Variants in SMARCC1 observed in about 807,000 individuals in gnomAD.
SMARCC1 encodes the protein SWI/SNF complex subunit SMARCC1.
Under a neutral mutation model 147.4 loss-of-function variants are expected in SMARCC1, and 43 were observed. The ratio of observed to expected loss-of-function variants is 0.29; its 90% CI spans 0.23 to 0.38. SMARCC1 has a LOEUF of 0.38. Ranked by LOEUF, SMARCC1 falls within the 10% of genes least tolerant of loss-of-function variation. The pLI, the probability that SMARCC1 is intolerant of heterozygous loss-of-function variation, is 1.00. For synonymous variants in SMARCC1, 495 were observed against 484.4 expected (o/e 1.02, Z -0.29); for missense variants, 1,119 against 1,381.1 (o/e 0.81, Z 3.01).
chr3:47,743,536 G>A (rs533757541), intron 3 of SMARCC1, among the ~76,000 whole-genome samples: 1 of 151,918 alleles, frequency 6.6e-6, no homozygotes, highest in Admixed American at 6.6e-5. Flanking sequence ...CACTGTGGCC[G>A]GGCATGGTGA....
At chr3:47,760,753 A>G (rs2034764080) in intron 2 of SMARCC1, among the ~76,000 whole-genome samples, 1 of 152,214 alleles carries the variant, frequency 6.6e-6, no homozygotes. Flanking sequence ...GTACTTTGGA[A>G]GGCCAAGGCA....
intron 21 of SMARCC1, among the ~76,000 whole-genome samples, chr3:47,660,566 T>A (rs2033332325): frequency 6.6e-6 from 1 of 151,700 alleles, no homozygotes; most frequent in Non-Finnish European, 1.5e-5. Flanking sequence ...GAGATACTGA[T>A]GCATGCTACA....
At chr3:47,687,171 T>C (rs2033736076) in intron 13 of SMARCC1, among the ~76,000 whole-genome samples, 1 of 152,172 alleles carries the variant, frequency 6.6e-6, no homozygotes, top group Non-Finnish European at 1.5e-5. Context: ...ATTTAAAGCA[T>C]GAAAACACCA....
chr3:47,691,843 T>C (rs1001389923), intron 12 of SMARCC1, among the ~76,000 whole-genome samples: 2 of 151,702 alleles, frequency 1.3e-5, no homozygotes, highest in African/African-American at 4.8e-5. Flanking sequence ...CTACTAATAA[T>C]ACAAAAATTA....
intron 26 of SMARCC1, chr3:47,604,667 C>T: frequency 1.9e-5 from 3 of 159,334 alleles, no homozygotes; most frequent in Admixed American, 6.3e-5. Flanking sequence ...GAACTGGTAA[C>T]TTTAAAATAG....
chr3:47,646,830 G>A (rs2033126055), intron 21 of SMARCC1, among the ~76,000 whole-genome samples: 1 of 152,128 alleles, frequency 6.6e-6, no homozygotes, highest in Non-Finnish European at 1.5e-5. Context: ...AGAGTTGCAT[G>A]CACTTGACCA....
chr3:47,739,103 C>A (rs1458090339), intron 3 of SMARCC1, among the ~76,000 whole-genome samples: 1 of 152,096 alleles, frequency 6.6e-6, no homozygotes, highest in Non-Finnish European at 1.5e-5. Context: ...TGTTTTAATT[C>A]TTTTAACACT....
chr3:47,690,525 C>T (rs2033778021), intron 12 of SMARCC1, among the ~76,000 whole-genome samples: 1 of 152,108 alleles, frequency 6.6e-6, no homozygotes, highest in Non-Finnish European at 1.5e-5. Context: ...AAACAGAAAG[C>T]CACTATGAAC....
At chr3:47,730,742 T>C (rs1334793256) in intron 5 of SMARCC1, among the ~76,000 whole-genome samples, 1 of 151,790 alleles carries the variant, frequency 6.6e-6, no homozygotes, top group Non-Finnish European at 1.5e-5. Context: ...GGCAGACGCC[T>C]ATAATCCCAG....
chr3:47,714,267 C>T (rs561736789), intron 8 of SMARCC1, 148 bp downstream of exon 8: 23 of 599,944 alleles, frequency 3.8e-5, no homozygotes, highest in South Asian at 3.0e-4. Context: ...GGGAGGCTAA[C>T]GCACGAGAAT....
intron 1 of SMARCC1, among the ~76,000 whole-genome samples, chr3:47,774,301 G>A (rs111318237): frequency 1.1e-3 from 163 of 146,370 alleles, no homozygotes; most frequent in Non-Finnish European, 2.1e-3. Flanking sequence ...ACGAAACCCC[G>A]TCTCCACTAA....
At chr3:47,688,073 A>G (rs944556603) in intron 13 of SMARCC1, among the ~76,000 whole-genome samples, 1 of 152,150 alleles carries the variant, frequency 6.6e-6, no homozygotes, top group Admixed American at 6.6e-5. Context: ...CAGCCTGACC[A>G]ACATGGTGAA....
chr3:47,709,567 T>C (rs13070035), intron 9 of SMARCC1, among the ~76,000 whole-genome samples: 91,441 of 151,682 alleles, frequency 0.6, 28,914 homozygotes, highest in East Asian at 0.72. Flanking sequence ...GTGCCTGTAG[T>C]CCCAACTACT....
chr3:47,758,134 A>G (rs1272725118), intron 2 of SMARCC1, among the ~76,000 whole-genome samples: 1 of 152,090 alleles, frequency 6.6e-6, no homozygotes, highest in Admixed American at 6.6e-5. Flanking sequence ...CAGCTATCGA[A>G]AAACAACAAG....
chr3:47,717,590 G>T (rs1406016789), intron 7 of SMARCC1, among the ~76,000 whole-genome samples: 4 of 151,964 alleles, frequency 2.6e-5, no homozygotes, highest in Non-Finnish European at 4.4e-5. Context: ...TTGAGACAGG[G>T]TCTCACTCTG....
chr3:47,631,535 T>A (rs1426785087), intron 24 of SMARCC1, among the ~76,000 whole-genome samples: 1 of 152,188 alleles, frequency 6.6e-6, no homozygotes, highest in African/African-American at 2.4e-5. Flanking sequence ...CAAACAATGG[T>A]ACTTCTGCTT....
At position 47,740,321 on chromosome 3, in the gene SMARCC1, G is replaced by A. The variant is rs377157300; in HGVS notation, c.402-2211C>T. ...AGCGATTCTCCTGCCTCAGCCTCCC[G>A]AGTAGCTGGGATTACAGGCATGCAC... On this transcript the variant is annotated intron_variant, in intron 3 of 27. Coordinates refer to ENST00000254480, the MANE Select transcript of SMARCC1 (RefSeq NM_003074.4). Among the ~76,000 whole-genome samples, 11 of 148,578 alleles carry A rather than the reference G, an allele frequency of 7.4e-5. No homozygotes were observed. The South Asian group carries it at 8.6e-4, about 12-fold the overall frequency.
chr3:47,692,472 T>C (rs1332941137), intron 12 of SMARCC1, among the ~76,000 whole-genome samples: 3 of 152,264 alleles, frequency 2.0e-5, no homozygotes, highest in African/African-American at 7.2e-5. Context: ...ACAAAAACAA[T>C]TCTTTCAGTG....
At chr3:47,674,294 T>C (rs1576407196) in intron 18 of SMARCC1, among the ~76,000 whole-genome samples, 1 of 152,238 alleles carries the variant, frequency 6.6e-6, no homozygotes, top group African/African-American at 2.4e-5. Flanking sequence ...TTATCCTTCA[T>C]GCTGAAGACA....
Sources: gnomAD v4.1 joint callset for allele counts (sites outside exome capture counted in the v4.1 genomes callset) on GRCh38, gnomAD v4.1.1 for gene constraint, MANE v1.5 for transcripts, NCBI Gene and HGNC (gene_info 2026-07-23, HGNC 2026-07-21) for gene names.